GRIP1: variants seen among roughly 807,000 people sequenced by gnomAD.
GRIP1 encodes glutamate receptor-interacting protein 1.
A neutral mutation model predicts 129.9 loss-of-function variants in GRIP1; 45 were observed. The observed-to-expected ratio is 0.35, with a 90% CI of 0.27 to 0.44. The LOEUF is 0.44. Among genes scored for constraint, GRIP1 ranks in the 20% least tolerant of loss-of-function variants. GRIP1 has a pLI of 1.00. For missense variants in GRIP1, 1,196 were observed against 1,396.8 expected, an observed-to-expected ratio of 0.86 and a Z score of 2.29; for synonymous variants, 530 against 520.8, an observed-to-expected ratio of 1.02 and a Z score of -0.24.
chr12:66,454,933 T>A (rs1423627600), intron 11 of GRIP1, among the ~76,000 whole-genome samples: 1 of 152,162 alleles, frequency 6.6e-6, no homozygotes, highest in Non-Finnish European at 1.5e-5. Flanking sequence ...GGTAACAAAA[T>A]ATAATTTAGT....
chr12:66,385,576 C>A (rs1426421519), intron 19 of GRIP1, among the ~76,000 whole-genome samples: 1 of 151,814 alleles, frequency 6.6e-6, no homozygotes, highest in Non-Finnish European at 1.5e-5. Context: ...ATGTATGGTC[C>A]TAAGTCATTT....
In GRIP1 at chr12:66,347,771, T is replaced by A. The variant is rs998008162; in HGVS notation, c.*1248A>T. 25 of 152,164 alleles carry A rather than the reference T, an allele frequency of 1.6e-4. No individual in the cohort carries two copies. The highest frequency in any genetic ancestry group is 6.0e-4 in the African/African-American group (25 of 41,420). 9.4% of individuals were successfully genotyped at this position (152,164 alleles called of 1,614,324 possible). On this transcript the variant is annotated 3_prime_UTR_variant, in exon 25 of 25. Coordinates refer to ENST00000359742, the MANE Select transcript of GRIP1 (RefSeq NM_001366722.1). Reference sequence around the variant, plus strand: ...AAAGAAAGGTGATTTTTTTTTTATATTTCCTTAAACAAAGGACACAGTGTT... The same window carrying A: ...AAAGAAAGGTGATTTTTTTTTTATAATTCCTTAAACAAAGGACACAGTGTT...
intron 14 of GRIP1, among the ~76,000 whole-genome samples, chr12:66,427,119 T>C (rs1013628556): frequency 1.3e-5 from 2 of 152,222 alleles, no homozygotes; most frequent in African/African-American, 4.8e-5. Flanking sequence ...TTCTGGTCCC[T>C]GAACCTGTAC....
chr12:66,637,103 G>T (rs1370687006), intron 1 of GRIP1, among the ~76,000 whole-genome samples: 3 of 152,108 alleles, frequency 2.0e-5, no homozygotes, highest in Non-Finnish European at 4.4e-5. Context: ...AACCTAGCGT[G>T]TGTGTAACAT....
chr12:66,854,346 G>C (rs994827389), intron 1 of GRIP1, among the ~76,000 whole-genome samples: 3 of 149,726 alleles, frequency 2.0e-5, no homozygotes, highest in African/African-American at 7.3e-5. Flanking sequence ...GGTGGTGAGG[G>C]ACTAAATTAA....
intron 23 of GRIP1, among the ~76,000 whole-genome samples, chr12:66,360,348 C>T (rs1418214130): frequency 2.6e-5 from 4 of 152,150 alleles, no homozygotes; most frequent in Non-Finnish European, 5.9e-5. Flanking sequence ...GCTCCATGCT[C>T]CTATGGCTCA....
At chr12:66,786,086 AAAAAAT>A (rs2038334412) in intron 1 of GRIP1, among the ~76,000 whole-genome samples, 1 of 152,190 alleles carries the variant, frequency 6.6e-6, no homozygotes, top group African/African-American at 2.4e-5. Context: ...CTGTCACACA[AAAAAAT>A]AAAAATAAAG....
intron 1 of GRIP1, among the ~76,000 whole-genome samples, chr12:67,056,968 G>A (rs1199055395): frequency 2.0e-5 from 3 of 151,976 alleles, no homozygotes; most frequent in Admixed American, 1.3e-4. Flanking sequence ...CCAACACCAC[G>A]CCTGGCTAAT....
In GRIP1 at chr12:66,838,978, T is replaced by C. The variant is rs187937764; in HGVS notation, c.58+230072A>G. ...AATGAGCTGCCTTGATCACAAATAC[T>C]ACAAGATCTCTACCACAGACTTGAA... On this transcript the variant is annotated intron_variant, in intron 1 of 1. Coordinates refer to the GRIP1 transcript ENST00000643019. Among the ~76,000 whole-genome samples, 796 of 152,238 alleles carry C rather than the reference T, an allele frequency of 5.2e-3. 7 individuals are homozygous for C. Among genetic ancestry groups the C allele is most frequent in the Non-Finnish European group, 6.2e-3 (419 of 68,008 alleles).
chr12:66,654,296 G>C (rs2033000177), intron 1 of GRIP1, among the ~76,000 whole-genome samples: 1 of 152,022 alleles, frequency 6.6e-6, no homozygotes. Flanking sequence ...GCAAAGATAA[G>C]GTAAAATAAA....
chr12:66,973,127 C>A (rs2042097944), intron 1 of GRIP1, among the ~76,000 whole-genome samples: 1 of 152,142 alleles, frequency 6.6e-6, no homozygotes, highest in Non-Finnish European at 1.5e-5. Flanking sequence ...TTTTAAAACA[C>A]AGCCACCATT....
intron 1 of GRIP1, among the ~76,000 whole-genome samples, chr12:66,914,504 G>A (rs1482649144): frequency 1.3e-5 from 2 of 152,186 alleles, no homozygotes; most frequent in African/African-American, 4.8e-5. Flanking sequence ...TAGCACATCA[G>A]TAATGACTAC....
chr12:66,910,951 A>C (rs1186890175), intron 1 of GRIP1, among the ~76,000 whole-genome samples: 1 of 152,224 alleles, frequency 6.6e-6, no homozygotes, highest in African/African-American at 2.4e-5. Context: ...AACATTTTTC[A>C]ACCATTATTT....
intron 1 of GRIP1, among the ~76,000 whole-genome samples, chr12:66,636,211 T>G (rs1565929253): frequency 6.6e-6 from 1 of 152,070 alleles, no homozygotes; most frequent in Non-Finnish European, 1.5e-5. Flanking sequence ...GTAGTCAAAT[T>G]CCTAGAGACT....
intron 1 of GRIP1, among the ~76,000 whole-genome samples, chr12:66,871,754 T>C (rs1026286992): frequency 2.6e-5 from 4 of 151,994 alleles, no homozygotes; most frequent in Non-Finnish European, 4.4e-5. Context: ...TTTTCCCCAA[T>C]CTCCATATTA....
At chr12:66,562,745 C>A in intron 2 of GRIP1, among the ~76,000 whole-genome samples, 1 of 152,122 alleles carries the variant, frequency 6.6e-6, no homozygotes, top group East Asian at 1.9e-4. Flanking sequence ...CCCCCGACCC[C>A]CTGCCGCACA....
chr12:66,427,171 T>C (rs922946389), intron 14 of GRIP1, among the ~76,000 whole-genome samples: 4 of 152,180 alleles, frequency 2.6e-5, no homozygotes, highest in Non-Finnish European at 5.9e-5. Context: ...CACTATCAGC[T>C]TCCCCTCTGC....
chr12:66,653,669 T>C (rs374618391), intron 1 of GRIP1, among the ~76,000 whole-genome samples: 1 of 152,220 alleles, frequency 6.6e-6, no homozygotes, highest in South Asian at 2.1e-4. Context: ...GCAGATGCAC[T>C]GTAAACCACA....
In GRIP1 at chr12:66,947,186, C is replaced by A. The variant is rs141561833; in HGVS notation, c.58+121864G>T. Among the ~76,000 whole-genome samples, 714 of 152,238 alleles carry A rather than the reference C, an allele frequency of 4.7e-3. 7 individuals are homozygous for A. Among genetic ancestry groups the A allele is most frequent in the African/African-American group, 0.016 (677 of 41,538 alleles). On this transcript the variant is annotated intron_variant, in intron 1 of 1. Transcript: ENST00000643019. ...CGCTTTTATCATATAATGGCTGGAG[C>A]CTTCTGCTGAAAGTGTAGGTAGCAA...
Sources: allele counts gnomAD v4.1 joint callset (sites outside exome capture counted in the v4.1 genomes callset), GRCh38; gene constraint gnomAD v4.1.1; transcripts MANE v1.5; gene names NCBI Gene and HGNC (gene_info 2026-07-23, HGNC 2026-07-21).